KCND3: variants seen among roughly 807,000 people sequenced by gnomAD.
KCND3 encodes the protein potassium voltage-gated channel subfamily D member 3.
In KCND3, 9 loss-of-function variants were observed where a neutral mutation model predicts 51.1. The ratio of observed to expected loss-of-function variants is 0.18; its 90% CI spans 0.11 to 0.31. KCND3 has a LOEUF of 0.31. Ranked by LOEUF, KCND3 falls within the 10% of genes least tolerant of loss-of-function variation. KCND3 has a pLI of 1.00. For missense variants in KCND3, 526 were observed against 903.8 expected (o/e 0.58, Z 5.36); for synonymous variants, 349 against 368.0 (o/e 0.95, Z 0.59).
At chr1:111,822,009 T>C (rs1313718375) in intron 2 of KCND3, among the ~76,000 whole-genome samples, 1 of 152,048 alleles carries the variant, frequency 6.6e-6, no homozygotes, top group Non-Finnish European at 1.5e-5. Flanking sequence ...AGGATTGGTC[T>C]CTCCATGCCC....
chr1:111,923,143 C>T (rs1018565018), intron 2 of KCND3, among the ~76,000 whole-genome samples: 1 of 152,214 alleles, frequency 6.6e-6, no homozygotes, highest in Non-Finnish European at 1.5e-5. Context: ...TCTAAGGCCT[C>T]TTACAGCTTG....
chr1:111,940,073 G>GTTTTTTTTTTTTGTT (rs1672427799), intron 2 of KCND3, among the ~76,000 whole-genome samples: 1 of 85,472 alleles, frequency 1.2e-5, no homozygotes, highest in African/African-American at 5.1e-5. Context: ...CTTTTTGATG[G>GTTTTTTTTTTTTGTT]TTTTTTTTTT....
In KCND3 at chr1:111,780,147, G is replaced by C; in HGVS notation, c.1461+78C>G. 8 of 1,365,150 alleles carry C rather than the reference G, an allele frequency of 5.9e-6. No homozygotes were observed. Among genetic ancestry groups the C allele is most frequent in the Non-Finnish European group, 8.2e-6 (8 of 978,678 alleles). The allele number at this position is 1,365,150 out of a possible 1,614,324, so 84.6% of individuals were successfully genotyped here. On this transcript the variant is annotated intron_variant, in intron 5 of 7. Coordinates refer to ENST00000302127, the MANE Select transcript of KCND3 (RefSeq NM_001378969.1). The surrounding 1 kb of genome is among the most constrained non-coding windows in gnomAD (Gnocchi z 4.2). ...GGGACAGACTTTGACTTCTGGCCCA[G>C]AGTGAAGATGTGAGTACAGCCTTAG...
At chr1:111,860,897 T>C (rs1292066709) in intron 2 of KCND3, among the ~76,000 whole-genome samples, 1 of 152,216 alleles carries the variant, frequency 6.6e-6, no homozygotes, top group Non-Finnish European at 1.5e-5. Flanking sequence ...CCTGTCTTAC[T>C]GGATTATTGA....
Position 111,776,189 on chromosome 1 carries a change from G to C in KCND3, c.1856C>G (p.Thr619Ser), listed in dbSNP as rs895254433. The C allele has an allele frequency of 5.0e-6, 8 of 1,614,252 alleles. No homozygotes were observed. The East Asian group carries it at 1.8e-4, about 36-fold the overall frequency. The change falls in exon 8 of 8, where the codon ACT (threonine) becomes AGT (serine). Residue 619 changes from threonine to serine, a missense_variant. This residue lies in a region of KCND3 where 266 missense variants were observed against 305.5 expected (regional missense o/e 0.87). Transcript: ENST00000302127. ...QITTAIISIP[T>S]PPALTPEGES... ...CCCCTCTGGGGTTAGCGCTGGGGGA[G>C]TGGGGATGCTGATGATGGCTGTGGT... is the stretch of plus-strand genomic sequence containing the variant.
chr1:111,966,825 C>A (rs555326818), intron 2 of KCND3, among the ~76,000 whole-genome samples: 3 of 152,236 alleles, frequency 2.0e-5, no homozygotes, highest in Non-Finnish European at 4.4e-5. Flanking sequence ...AATCTCTCTA[C>A]CAGTGGAATG....
At chr1:111,843,617 C>A (rs1403237328) in intron 2 of KCND3, among the ~76,000 whole-genome samples, 1 of 152,156 alleles carries the variant, frequency 6.6e-6, no homozygotes, top group Non-Finnish European at 1.5e-5. Context: ...TTCTGCCCTG[C>A]ATTTCAGGGT....
chr1:111,921,206 T>C (rs983209614), intron 2 of KCND3, among the ~76,000 whole-genome samples: 1 of 152,174 alleles, frequency 6.6e-6, no homozygotes, highest in African/African-American at 2.4e-5. Context: ...TGTAAACCAA[T>C]TGAGGAAAGC....
chr1:111,884,322 T>A (rs754137914), intron 2 of KCND3, among the ~76,000 whole-genome samples: 1 of 152,334 alleles, frequency 6.6e-6, no homozygotes, highest in South Asian at 2.1e-4. Flanking sequence ...GCTGTTACAC[T>A]AGGGACACTG....
chr1:111,964,093 G>A (rs978887446), intron 2 of KCND3, among the ~76,000 whole-genome samples: 1 of 152,194 alleles, frequency 6.6e-6, no homozygotes, highest in African/African-American at 2.4e-5. Context: ...GGCAGAAGGA[G>A]GGAAACAGGC....
At chr1:111,909,753 A>G (rs1299248010) in intron 2 of KCND3, 1 of 152,196 alleles carries the variant, frequency 6.6e-6, no homozygotes, top group African/African-American at 2.4e-5. Flanking sequence ...TCTGCCAGTT[A>G]ACAGCTGTGT....
chr1:111,960,486 C>T (rs1673587639), intron 2 of KCND3, among the ~76,000 whole-genome samples: 1 of 152,240 alleles, frequency 6.6e-6, no homozygotes, highest in Admixed American at 6.5e-5. Context: ...GCTGGTACCC[C>T]TTCCTCCCTT....
At chr1:111,897,928 C>T (rs984515340) in intron 2 of KCND3, among the ~76,000 whole-genome samples, 1 of 152,206 alleles carries the variant, frequency 6.6e-6, no homozygotes, top group Admixed American at 6.5e-5. Context: ...TACTTTGGGA[C>T]ACCAGCGGTT....
intron 2 of KCND3, among the ~76,000 whole-genome samples, chr1:111,869,743 T>G (rs12410332): frequency 1.6e-4 from 24 of 152,370 alleles, no homozygotes; most frequent in Middle Eastern, 3.4e-3. Flanking sequence ...GTAAAGACAC[T>G]AAATTAACTG....
chr1:111,916,334 T>C (rs963713419), intron 2 of KCND3, among the ~76,000 whole-genome samples: 1 of 152,032 alleles, frequency 6.6e-6, no homozygotes, highest in African/African-American at 2.4e-5. Flanking sequence ...ATAAGTCAAA[T>C]TTAAAAATCA....
intron 2 of KCND3, among the ~76,000 whole-genome samples, chr1:111,932,030 T>C (rs1671997990): frequency 6.6e-6 from 1 of 152,206 alleles, no homozygotes; most frequent in Non-Finnish European, 1.5e-5. Context: ...AGCCCTTGGC[T>C]TGTGGCCCCT....
At chr1:111,846,376 G>A (rs996638432) in intron 2 of KCND3, among the ~76,000 whole-genome samples, 7 of 151,966 alleles carry the variant, frequency 4.6e-5, no homozygotes, top group African/African-American at 1.5e-4. Context: ...TACTTTCCCC[G>A]GGTTATGTAA....
intron 2 of KCND3, among the ~76,000 whole-genome samples, chr1:111,967,476 G>A (rs561623819): frequency 2.7e-4 from 41 of 152,342 alleles, no homozygotes; most frequent in African/African-American, 9.6e-4. Context: ...GTGTGGGCGA[G>A]GCTGTTGACC....
In KCND3 at chr1:111,771,640, C is replaced by T. The variant is rs2101437554; in HGVS notation, c.*4437G>A. 1 of 152,260 alleles carries T rather than the reference C, an allele frequency of 6.6e-6. No homozygotes were observed. Among genetic ancestry groups the T allele is most frequent in the African/African-American group, 2.4e-5 (1 of 41,538 alleles). 9.4% of individuals were successfully genotyped at this position (152,260 alleles called of 1,614,324 possible). ...AATGTACATTTTCCTTGTCTACAAT[C>T]TAATAAGTGATATCCTGAACTGTAG... On this transcript the variant is annotated 3_prime_UTR_variant, in exon 8 of 8. Coordinates refer to ENST00000302127, the MANE Select transcript of KCND3 (RefSeq NM_001378969.1).
Sources: gnomAD v4.1 joint callset for allele counts (sites outside exome capture counted in the v4.1 genomes callset) on GRCh38, gnomAD v4.1.1 for gene constraint, gnomAD v4.1.1 regional missense constraint, Gnocchi (gnomAD v3.1) non-coding constraint, MANE v1.5 for transcripts, NCBI Gene and HGNC (gene_info 2026-07-23, HGNC 2026-07-21) for gene names.